The following TMEM74 variants were observed in gnomAD, a reference collection of about 807,000 sequenced individuals.
The protein encoded by TMEM74 is transmembrane protein 74.
A neutral mutation model predicts 18.1 loss-of-function variants in TMEM74; 13 were observed. That is an observed-to-expected ratio of 0.72 (90% CI 0.47 to 1.14). TMEM74 has a LOEUF of 1.14. Ranked by LOEUF, TMEM74 falls within the 50% of genes most tolerant of loss-of-function variation. TMEM74 has a pLI of 0.00. For synonymous variants in TMEM74, 159 were observed against 146.6 expected (o/e 1.08, Z -0.61); for missense variants, 372 against 375.9 (o/e 0.99, Z 0.09).
At chr8:108,609,522 C>T (rs1812312673) in intron 2 of TMEM74, among the ~76,000 whole-genome samples, 1 of 152,014 alleles carries the variant, frequency 6.6e-6, no homozygotes, top group South Asian at 2.1e-4. Context: ...GTGGCTGGTG[C>T]CTGTAATCTC....
intron 1 of TMEM74, among the ~76,000 whole-genome samples, chr8:108,662,088 G>A (rs536759257): frequency 4.9e-4 from 74 of 152,152 alleles, no homozygotes; most frequent in South Asian, 4.6e-3. Flanking sequence ...TACCTTATAC[G>A]CTAAAAAAGA....
chr8:108,608,298 CAAAAAAA>C (rs374774953), intron 3 of TMEM74, among the ~76,000 whole-genome samples: 1 of 72,598 alleles, frequency 1.4e-5, no homozygotes, highest in African/African-American at 5.4e-5. Context: ...AAGACTCTGT[CAAAAAAA>C]AAAAAAAAAG....
intron 1 of TMEM74, among the ~76,000 whole-genome samples, chr8:108,728,699 TA>T (rs1813664813): frequency 6.6e-6 from 1 of 152,202 alleles, no homozygotes; most frequent in South Asian, 2.1e-4. Context: ...ACTAGTTGAG[TA>T]CCAAATGATC....
chr8:108,763,383 G>C (rs899094082), intron 1 of TMEM74, among the ~76,000 whole-genome samples: 3 of 152,092 alleles, frequency 2.0e-5, no homozygotes, highest in Admixed American at 2.0e-4. Context: ...CTGAGATTTA[G>C]CCATATAAAC....
chr8:108,691,074 A>T (rs1192157941), intron 1 of TMEM74, among the ~76,000 whole-genome samples: 1 of 152,180 alleles, frequency 6.6e-6, no homozygotes, highest in Non-Finnish European at 1.5e-5. Context: ...TACAAAGGAC[A>T]TGGAGGCTGC....
At chr8:108,650,918 C>G (rs1312977346) in intron 2 of TMEM74, among the ~76,000 whole-genome samples, 1 of 152,012 alleles carries the variant, frequency 6.6e-6, no homozygotes, top group African/African-American at 2.4e-5. Context: ...ACCATATTAG[C>G]CAGGCTGGTC....
chr8:108,750,826 C>G (rs1232424729), intron 1 of TMEM74, among the ~76,000 whole-genome samples: 2 of 152,106 alleles, frequency 1.3e-5, no homozygotes, highest in Non-Finnish European at 2.9e-5. Flanking sequence ...CCTATAAAGT[C>G]CTTGGATCAA....
At chr8:108,741,216 G>A (rs1813796839) in intron 1 of TMEM74, among the ~76,000 whole-genome samples, 1 of 152,112 alleles carries the variant, frequency 6.6e-6, no homozygotes, top group African/African-American at 2.4e-5. Context: ...ATGAAATTCA[G>A]GTGGCTGCTA....
intron 1 of TMEM74, among the ~76,000 whole-genome samples, chr8:108,760,768 A>G (rs1291295774): frequency 6.6e-6 from 1 of 152,020 alleles, no homozygotes; most frequent in Non-Finnish European, 1.5e-5. Flanking sequence ...GTAACCCTAC[A>G]CCATGATCTA....
intron 1 of TMEM74, among the ~76,000 whole-genome samples, chr8:108,708,821 A>AAAAAAAAAAAAAAC: frequency 6.7e-6 from 1 of 150,292 alleles, no homozygotes; most frequent in African/African-American, 2.4e-5. Context: ...AAAAAAAAAA[A>AAAAAAAAAAAAAAC]AAAAAAAAAA....
chr8:108,675,556 T>C (rs1813048519), intron 1 of TMEM74, among the ~76,000 whole-genome samples: 1 of 152,224 alleles, frequency 6.6e-6, no homozygotes, highest in Non-Finnish European at 1.5e-5. Flanking sequence ...AATGTTGTTT[T>C]TGTTTCTACC....
intron 2 of TMEM74, among the ~76,000 whole-genome samples, chr8:108,630,466 G>A (rs1242880821): frequency 1.3e-5 from 2 of 151,976 alleles, no homozygotes; most frequent in Admixed American, 6.6e-5. Context: ...ACTCAGCTAT[G>A]GACCAAGTGG....
intron 1 of TMEM74, among the ~76,000 whole-genome samples, chr8:108,679,001 G>A (rs1014568737): frequency 6.7e-6 from 1 of 148,956 alleles, no homozygotes; most frequent in African/African-American, 2.5e-5. Flanking sequence ...TGTGGTGTTT[G>A]GCTTTTTGTC....
At chr8:108,754,485 G>T (rs984386961) in intron 1 of TMEM74, among the ~76,000 whole-genome samples, 1 of 151,718 alleles carries the variant, frequency 6.6e-6, no homozygotes, top group African/African-American at 2.4e-5. Context: ...AATAAAATAT[G>T]GCAAACATGA....
At chr8:108,613,206 G>C (rs964701963) in intron 2 of TMEM74, among the ~76,000 whole-genome samples, 2 of 151,862 alleles carry the variant, frequency 1.3e-5, no homozygotes, top group Non-Finnish European at 2.9e-5. Flanking sequence ...AAGGACTGGG[G>C]AAAAAAAATT....
At chr8:108,620,438 G>C (rs1001299031) in intron 2 of TMEM74, among the ~76,000 whole-genome samples, 3 of 152,108 alleles carry the variant, frequency 2.0e-5, no homozygotes, top group Admixed American at 2.0e-4. Context: ...GGGATGGAAA[G>C]ATATTTATTA....
chr8:108,657,842 C>CA lies in TMEM74; in HGVS notation n.120-2406dup, dbSNP rs1157229913. ...TGGGTGACAGAGTGAGACACCGTCT[C>CA]AAAAAAAAAAAAAAAAAATATATAT... is the stretch of plus-strand genomic sequence containing the variant. On this transcript the variant is annotated intron_variant and non_coding_transcript_variant, in intron 1 of 3. Coordinates refer to the TMEM74 transcript ENST00000518838. Among the ~76,000 whole-genome samples, 123 of 16,674 alleles carry CA rather than the reference C, an allele frequency of 7.4e-3. 10 individuals are homozygous for CA. The highest frequency in any genetic ancestry group is 0.029 in the East Asian group (15 of 518). 10.9% of individuals were successfully genotyped at this position (16,674 alleles called of 152,430 possible).
intron 1 of TMEM74, among the ~76,000 whole-genome samples, chr8:108,744,426 T>C (rs987998174): frequency 6.6e-6 from 1 of 152,200 alleles, no homozygotes; most frequent in Non-Finnish European, 1.5e-5. Flanking sequence ...TGGCTGTTTT[T>C]ACTAAGAGAT....
At chr8:108,618,980 A>G (rs147633042) in intron 2 of TMEM74, among the ~76,000 whole-genome samples, 54 of 152,272 alleles carry the variant, frequency 3.5e-4, no homozygotes, top group African/African-American at 1.3e-3. Flanking sequence ...TCTCCTTTCT[A>G]AAAGTGTTGA....
Sources: allele counts gnomAD v4.1 joint callset (sites outside exome capture counted in the v4.1 genomes callset), GRCh38; gene constraint gnomAD v4.1.1; transcripts MANE v1.5; gene names NCBI Gene and HGNC (gene_info 2026-07-23, HGNC 2026-07-21).